The following MET variants were observed in gnomAD, a reference collection of about 807,000 sequenced individuals.
The protein encoded by MET is hepatocyte growth factor receptor.
In MET, 48 loss-of-function variants were observed where a neutral mutation model predicts 133.1. The ratio of observed to expected loss-of-function variants is 0.36; its 90% CI spans 0.29 to 0.46. The LOEUF is 0.46. MET is among the 20% of genes least tolerant of loss of function. MET has a pLI of 1.00. For missense variants in MET, 1,442 were observed against 1,695.9 expected, an observed-to-expected ratio of 0.85 and a Z score of 2.63; for synonymous variants, 628 against 616.5, an observed-to-expected ratio of 1.02 and a Z score of -0.28.
intron 1 of MET, among the ~76,000 whole-genome samples, chr7:116,686,164 C>G (rs1796548181): frequency 6.6e-6 from 1 of 152,136 alleles, no homozygotes; most frequent in Non-Finnish European, 1.5e-5. Flanking sequence ...CCCCATTTCA[C>G]TCCAATAAAA....
intron 8 of MET, chr7:116,757,981 C>T (rs1256233370): frequency 1.6e-6 from 1 of 622,366 alleles, no homozygotes; most frequent in Non-Finnish European, 2.8e-6. Flanking sequence ...TTTTAGCAAT[C>T]CTACTTTTCA....
In MET at chr7:116,672,525, C is replaced by T. The variant is rs566792422; in HGVS notation, c.-67C>T. The T allele has an allele frequency of 2.5e-6, 1 of 397,774 alleles. No individual in the cohort carries two copies. The highest frequency in any genetic ancestry group is 2.1e-5 in the African/African-American group (1 of 48,714). The allele number at this position is 397,774 out of a possible 1,614,324, so 24.6% of individuals were successfully genotyped here. ...AGAGGAGGCGGGGAGGCGCGGAGCG[C>T]GCGTGTGGTCCTTGCGCCGCTGACT... On this transcript the variant is annotated 5_prime_UTR_variant, in exon 1 of 21. Coordinates refer to ENST00000397752, the MANE Select transcript of MET (RefSeq NM_000245.4).
intron 2 of MET, among the ~76,000 whole-genome samples, chr7:116,716,470 AAAGAAAGAAAGAAAGAAAG>A (rs1792221972): frequency 5.0e-5 from 1 of 20,120 alleles, no homozygotes; most frequent in African/African-American, 2.5e-4. Context: ...AAAGAAAGAG[AAAGAAAGAAAGAAAGAAAG>A]AAAGAAAGAA....
chr7:116,682,398 T>C (rs1796393559), intron 1 of MET, among the ~76,000 whole-genome samples: 1 of 152,254 alleles, frequency 6.6e-6, no homozygotes, highest in African/African-American at 2.4e-5. Context: ...TTTAGACTGT[T>C]GGCTTTATTG....
intron 10 of MET, among the ~76,000 whole-genome samples, chr7:116,759,966 G>A (rs1244484211): frequency 1.2e-4 from 19 of 152,082 alleles, no homozygotes; most frequent in Non-Finnish European, 1.9e-4. Context: ...TGGTAGAGAC[G>A]AGGTTTCACC....
At position 116,700,209 on chromosome 7, in the gene MET, C is replaced by A. The variant is rs776693512; in HGVS notation, c.1125C>A (p.Asn375Lys). 2 of 1,594,030 alleles carry A rather than the reference C, an allele frequency of 1.3e-6. No homozygotes were observed. Among genetic ancestry groups the A allele is most frequent in the South Asian group, 2.3e-5 (2 of 86,230 alleles). The change falls in exon 2 of 21, where the codon AAC becomes AAA. Residue 375 changes from asparagine (N) to lysine (K), a missense_variant. By Grantham distance (94) the Asn-to-Lys change is moderately conservative. Transcript: ENST00000397752. ...TCAAATATGTCAACGACTTCTTCAACAAGATCGTCAACAAAAACAATGTGA... is the reference window on the plus strand; with the variant it reads ...TCAAATATGTCAACGACTTCTTCAAAAAGATCGTCAACAAAAACAATGTGA... ...FPIKYVNDFF[N>K]KIVNKNNVRC...
intron 5 of MET, among the ~76,000 whole-genome samples, chr7:116,749,783 G>T (rs1386493397): frequency 6.6e-6 from 1 of 152,126 alleles, no homozygotes; most frequent in Non-Finnish European, 1.5e-5. Flanking sequence ...AAATCAATGT[G>T]CAAAAATCAC....
intron 1 of MET, among the ~76,000 whole-genome samples, chr7:116,675,696 T>C (rs983502490): frequency 6.6e-6 from 1 of 152,122 alleles, no homozygotes; most frequent in Non-Finnish European, 1.5e-5. Flanking sequence ...AAATGATGAA[T>C]ATAACATATC....
At chr7:116,704,900 T>A (rs1404205667) in intron 2 of MET, among the ~76,000 whole-genome samples, 6 of 152,110 alleles carry the variant, frequency 3.9e-5, no homozygotes, top group African/African-American at 1.4e-4. Context: ...GTATTGGGCT[T>A]CCTTGTTTTT....
chr7:116,675,240 T>C (rs1314084671), intron 1 of MET, among the ~76,000 whole-genome samples: 1 of 152,228 alleles, frequency 6.6e-6, no homozygotes, highest in East Asian at 1.9e-4. Context: ...TAGAGTATCA[T>C]ATGTGCTAGG....
chr7:116,747,263 T>G (rs1412071052), intron 5 of MET, among the ~76,000 whole-genome samples: 3 of 152,036 alleles, frequency 2.0e-5, no homozygotes, highest in Admixed American at 2.0e-4. Flanking sequence ...TAGGATCAAA[T>G]TCACACATAA....
intron 11 of MET, among the ~76,000 whole-genome samples, chr7:116,767,318 A>C (rs1794662470): frequency 6.6e-6 from 1 of 152,240 alleles, no homozygotes; most frequent in Non-Finnish European, 1.5e-5. Flanking sequence ...GAGACATGGT[A>C]CATCCTGATA....
intron 2 of MET, among the ~76,000 whole-genome samples, chr7:116,723,034 G>A (rs1170770898): frequency 6.9e-6 from 1 of 145,918 alleles, no homozygotes; most frequent in Non-Finnish European, 1.5e-5. Flanking sequence ...GGCCTGCCTT[G>A]CTAGATTGGG....
In MET at chr7:116,778,785, A is replaced by G; in HGVS notation, c.3350A>G (p.Asp1117Gly). 1 of 1,614,018 alleles carries G rather than the reference A, an allele frequency of 6.2e-7. No homozygotes were observed. Among genetic ancestry groups the G allele is most frequent in the Non-Finnish European group, 8.5e-7 (1 of 1,179,938 alleles). Residue 1117 changes from aspartate to glycine, a missense_variant, in exon 17 of 21, where the codon GAC becomes GGC. Asp to Gly is a moderately conservative substitution (Grantham distance 94). Transcript: ENST00000397752. ...CCACTGGATTTCTCAGGAATCACTGACATAGGAGAAGTTTCCCAATTTCTG... is the reference window on the plus strand; with the variant it reads ...CCACTGGATTTCTCAGGAATCACTGGCATAGGAGAAGTTTCCCAATTTCTG... ...CAVKSLNRIT[D>G]IGEVSQFLTE...
rs1794280939 is a variant in MET at position 116,758,640 on chromosome 7, G to A, written c.2264+20G>A. ...TATTAGGTAAGTAGAAGCTTCTGAT[G>A]GGTATAAGAAAACAATGAATACAAG... is the stretch of plus-strand genomic sequence containing the variant. On this transcript the variant is annotated intron_variant, in intron 9 of 20. Transcript: ENST00000397752. 1.2e-6 allele frequency: 2 copies of A among 1,608,522 alleles called. No individual in the cohort carries two copies. The highest frequency in any genetic ancestry group is 1.7e-5 in the Admixed American group (1 of 59,910).
In MET at chr7:116,759,376, A is replaced by G. The variant is rs201304108; in HGVS notation, c.2265-15A>G. On this transcript the variant is annotated splice_polypyrimidine_tract_variant and intron_variant, in intron 9 of 20. Coordinates refer to ENST00000397752, the MANE Select transcript of MET (RefSeq NM_000245.4). The stretch of plus-strand genomic sequence containing the variant: ...AACCTCTCAACATTGTCAGTTTTCT[A>G]TTTTGCTTTGCCAGTGGTGGGAGCA... 5.6e-6 allele frequency: 9 copies of G among 1,611,570 alleles called. No homozygotes were observed. Among genetic ancestry groups the G allele is most frequent in the Admixed American group, 1.7e-5 (1 of 59,710 alleles).
chr7:116,729,612 AC>A (rs1217378290), intron 2 of MET, among the ~76,000 whole-genome samples: 2 of 152,222 alleles, frequency 1.3e-5, no homozygotes, highest in Non-Finnish European at 2.9e-5. Context: ...ATAGTTACAT[AC>A]AAAGATGTAA....
At chr7:116,732,381 CA>C (rs1207954497) in intron 3 of MET, among the ~76,000 whole-genome samples, 1 of 151,700 alleles carries the variant, frequency 6.6e-6, no homozygotes, top group African/African-American at 2.4e-5. Flanking sequence ...AGTTCAGATA[CA>C]AAAAAAATCC....
chr7:116,730,197 G>A (rs1357502290), intron 2 of MET, among the ~76,000 whole-genome samples: 1 of 152,200 alleles, frequency 6.6e-6, no homozygotes, highest in African/African-American at 2.4e-5. Context: ...GGTGAATGAA[G>A]GTGGAAGGAG....
Sources: gnomAD v4.1 joint callset for allele counts (sites outside exome capture counted in the v4.1 genomes callset) on GRCh38, gnomAD v4.1.1 for gene constraint, MANE v1.5 for transcripts, NCBI Gene and HGNC (gene_info 2026-07-23, HGNC 2026-07-21) for gene names.